Variants in SENP2 observed in about 807,000 individuals in gnomAD.
SENP2 encodes sentrin-specific protease 2.
A neutral mutation model predicts 86.3 loss-of-function variants in SENP2; 16 were observed. The observed-to-expected ratio is 0.19, with a 90% CI of 0.13 to 0.28. SENP2 has a LOEUF of 0.28. Ranked by LOEUF, SENP2 falls within the 10% of genes least tolerant of loss-of-function variation. SENP2 has a pLI of 1.00. For synonymous variants in SENP2, 222 were observed against 238.7 expected, an observed-to-expected ratio of 0.93 and a Z score of 0.64; for missense variants, 552 against 703.0, an observed-to-expected ratio of 0.79 and a Z score of 2.43.
intron 14 of SENP2, 79 bp downstream of exon 14, chr3:185,621,984 G>T: frequency 1.1e-6 from 1 of 895,164 alleles, no homozygotes; most frequent in Non-Finnish European, 1.8e-6. Flanking sequence ...CTGTGTGGAT[G>T]GTAGTCTAAT....
intron 15 of SENP2, 125 bp from the exon 16 acceptor site, chr3:185,626,173 G>C: frequency 1.6e-6 from 1 of 630,228 alleles, no homozygotes; most frequent in Non-Finnish European, 2.8e-6. Flanking sequence ...TGTGTGTTTA[G>C]GTAATACCTG....
At chr3:185,587,732 ATTTTT>A (rs59565990) in intron 1 of SENP2, among the ~76,000 whole-genome samples, 46 of 73,016 alleles carry the variant, frequency 6.3e-4, no homozygotes, top group South Asian at 1.2e-3. Context: ...ATGCCCGGCT[ATTTTT>A]TTTTTTTTTT....
Position 185,586,379 on chromosome 3 carries a change from G to T in SENP2, c.-35G>T. 6.2e-7 allele frequency: 1 copy of T among 1,612,686 alleles called. No homozygotes were observed. Among genetic ancestry groups the T allele is most frequent in the Non-Finnish European group, 8.5e-7 (1 of 1,179,580 alleles). The stretch of plus-strand genomic sequence containing the variant: ...CGACAGCTCTGGGGTTTGCGTCTCG[G>T]GGTGTGTCGGCCGCCGCTGCTGCTT... On this transcript the variant is annotated 5_prime_UTR_variant, in exon 1 of 17. Transcript: ENST00000296257. This position sits in a 1 kb window ranked among gnomAD's most constrained non-coding sequence, Gnocchi z 4.3.
At chr3:185,597,806 A>G (rs1405896959) in intron 2 of SENP2, among the ~76,000 whole-genome samples, 1 of 151,904 alleles carries the variant, frequency 6.6e-6, no homozygotes, top group Non-Finnish European at 1.5e-5. Context: ...GGGATGCGCC[A>G]CCACGCCCAG....
chr3:185,612,515 CTTGATG>C lies in SENP2; in HGVS notation c.818-88_818-83del. ...GTAGCATTTCAATGTAGAGGAATGTCTTGATGTTGTGGAAACTCTGTAAGCTGAAAT... is the reference window on the plus strand; with the variant it reads ...GTAGCATTTCAATGTAGAGGAATGTCTTGTGGAAACTCTGTAAGCTGAAAT... On this transcript the variant is annotated intron_variant, in intron 8 of 16. Coordinates refer to ENST00000296257, the MANE Select transcript of SENP2 (RefSeq NM_021627.3). 31 of 797,416 alleles carry C rather than the reference CTTGATG, an allele frequency of 3.9e-5. 1 individual carries two copies. Among genetic ancestry groups the C allele is most frequent in the South Asian group, 3.7e-4 (22 of 58,830 alleles). 49.4% of individuals were successfully genotyped at this position (797,416 alleles called of 1,614,324 possible).
intron 13 of SENP2, among the ~76,000 whole-genome samples, chr3:185,619,712 T>TAAAAA: frequency 6.6e-6 from 1 of 151,920 alleles, no homozygotes. Flanking sequence ...TAAAAAATTT[T>TAAAAA]ATGTTTATTT....
chr3:185,598,807 T>C (rs1383007221), intron 3 of SENP2, 151 bp from the exon 4 acceptor site: 14 of 665,340 alleles, frequency 2.1e-5, no homozygotes, highest in South Asian at 2.0e-5. Flanking sequence ...TATTTCTACA[T>C]CATTTTGTGA....
chr3:185,619,909 A>G (rs896662126), intron 13 of SENP2, among the ~76,000 whole-genome samples: 7 of 151,614 alleles, frequency 4.6e-5, no homozygotes, highest in African/African-American at 9.7e-5. Flanking sequence ...ATTTATTTAT[A>G]TATTTGGAAA....
At chr3:185,619,894 A>G (rs1711779062) in intron 13 of SENP2, among the ~76,000 whole-genome samples, 1 of 151,414 alleles carries the variant, frequency 6.6e-6, no homozygotes. Context: ...TGCTTGCCTA[A>G]TTTTATTTAT....
At position 185,611,666 on chromosome 3, in the gene SENP2, G is replaced by A. The variant is rs373940933; in HGVS notation, c.738G>A (p.Gln246=). The change falls in exon 8 of 17, where the codon CAG becomes CAA. Residue 246 remains glutamine, a synonymous_variant. Coordinates refer to ENST00000296257, the MANE Select transcript of SENP2 (RefSeq NM_021627.3). ...TSNYHSSQRS[Q]MDTLKTKGWG... is the part of the protein sequence containing the mutation. The stretch of plus-strand genomic sequence containing the variant: ...TGTTTCTAAGTTCTCAAAGAAGTCA[G>A]ATGGACACATTAAAGACCAAAGGCT... The A allele has an allele frequency of 4.6e-5, 74 of 1,612,996 alleles. No individual in the cohort carries two copies. Among genetic ancestry groups the A allele is most frequent in the East Asian group, 4.5e-4 (20 of 44,888 alleles).
At chr3:185,628,231 G>C (rs1016568954) in intron 16 of SENP2, among the ~76,000 whole-genome samples, 1 of 151,984 alleles carries the variant, frequency 6.6e-6, no homozygotes, top group Admixed American at 6.6e-5. Context: ...CTCCCTCTCA[G>C]GTTCAAGCGA....
chr3:185,620,237 T>A (rs938315827), intron 13 of SENP2, among the ~76,000 whole-genome samples: 41 of 151,918 alleles, frequency 2.7e-4, no homozygotes, highest in Non-Finnish European at 2.5e-4. Context: ...TAATTTTTTT[T>A]AATTTATTTT....
intron 1 of SENP2, among the ~76,000 whole-genome samples, chr3:185,587,146 T>C (rs758663542): frequency 1.8e-4 from 28 of 152,232 alleles, no homozygotes; most frequent in Non-Finnish European, 3.8e-4. Context: ...CTTTTTCTTT[T>C]GGTTGAGACG....
rs1712562259 is a variant in SENP2, at chr3:185,633,033, G to A, written c.*3189G>A. 6.6e-6 allele frequency: 1 copy of A among 152,180 alleles called. No individual in the cohort carries two copies. The highest frequency in any genetic ancestry group is 1.5e-5 in the Non-Finnish European group (1 of 68,032). 9.4% of individuals were successfully genotyped at this position (152,180 alleles called of 1,614,324 possible). A position where few individuals can be genotyped will look rare whatever the true frequency, so the allele number is the denominator to read the frequency against. ...GGGCATATGGAAGATATTCTTGGGAGCCCCATATTCTACCTCAGTTACCGA... is the reference window on the plus strand; with the variant it reads ...GGGCATATGGAAGATATTCTTGGGAACCCCATATTCTACCTCAGTTACCGA... On this transcript the variant is annotated 3_prime_UTR_variant, in exon 17 of 17. Coordinates refer to ENST00000296257, the MANE Select transcript of SENP2 (RefSeq NM_021627.3).
At position 185,614,618 on chromosome 3, in the gene SENP2, C is replaced by T. The variant is rs145126254; in HGVS notation, c.988C>T (p.Arg330Cys). 64 of 1,614,058 alleles carry T rather than the reference C, an allele frequency of 4.0e-5. No homozygotes were observed. Among genetic ancestry groups the T allele is most frequent in the African/African-American group, 9.3e-5 (7 of 74,930 alleles). ...ATCAGAAGAAGTGTCGGCCCGACTC[C>T]GCCTGGGCAGTGGAAGCAATGGCTT... is the stretch of plus-strand genomic sequence containing the variant. The part of the protein sequence containing the change: ...DLSEEVSARL[R>C]LGSGSNGLLR... Residue 330 changes from arginine (R) to cysteine (C), a missense_variant, in exon 11 of 17, where the codon CGC becomes TGC. By Grantham distance (180) the Arg-to-Cys change is radical. Transcript: ENST00000296257.
intron 4 of SENP2, 27 bp downstream of exon 4, chr3:185,599,051 TC>T: frequency 6.5e-7 from 1 of 1,549,914 alleles, no homozygotes; most frequent in South Asian, 1.1e-5. Flanking sequence ...TATTTCTGTT[TC>T]CCGCTACCTC....
At chr3:185,621,354 C>A (rs1276692916) in intron 13 of SENP2, among the ~76,000 whole-genome samples, 3 of 140,980 alleles carry the variant, frequency 2.1e-5, no homozygotes, top group African/African-American at 5.2e-5. Context: ...ATACATGTAC[C>A]AATATAAGTG....
chr3:185,609,474 A>T (rs751105073), intron 7 of SENP2, 124 bp downstream of exon 7: 3 of 636,294 alleles, frequency 4.7e-6, no homozygotes, highest in Non-Finnish European at 8.2e-6. Flanking sequence ...TAGCTCTGTC[A>T]TTTGCCTGGA....
Position 185,632,546 on chromosome 3 carries a change from C to CG in SENP2, c.*2704dup. ...CACCTCACCCAGCCTGTTTTTGAGA[C>CG]GGAGTTTCACTTTTGTCGCCCAGGC... is the stretch of plus-strand genomic sequence containing the variant. On this transcript the variant is annotated 3_prime_UTR_variant, in exon 17 of 17. Coordinates refer to ENST00000296257, the MANE Select transcript of SENP2 (RefSeq NM_021627.3). 7.4e-6 allele frequency: 1 copy of CG among 135,974 alleles called. No individual in the cohort carries two copies. The allele number at this position is 135,974 out of a possible 1,614,324, so 8.4% of individuals were successfully genotyped here. A position where few individuals can be genotyped will look rare whatever the true frequency, so the allele number is the denominator to read the frequency against.
Sources: allele counts gnomAD v4.1 joint callset (sites outside exome capture counted in the v4.1 genomes callset), GRCh38; gene constraint gnomAD v4.1.1; non-coding constraint Gnocchi (gnomAD v3.1); transcripts MANE v1.5; gene names NCBI Gene and HGNC (gene_info 2026-07-23, HGNC 2026-07-21).